Variants in SEMA3E observed in about 807,000 individuals in gnomAD.
SEMA3E encodes semaphorin-3E.
SEMA3E carries 49 observed loss-of-function variants against 93.6 expected under a neutral mutation model. The observed-to-expected ratio is 0.52, with a 90% confidence interval of 0.42 to 0.66. SEMA3E has a LOEUF of 0.66. Among genes scored for constraint, SEMA3E ranks in the 30% least tolerant of loss-of-function variants. SEMA3E has a pLI of 0.00. For synonymous variants in SEMA3E, 363 were observed against 330.7 expected (o/e 1.10, Z -1.06); for missense variants, 906 against 964.8 (o/e 0.94, Z 0.81).
chr7:83,473,630 T>A (rs1187949279), intron 2 of SEMA3E, among the ~76,000 whole-genome samples: 1 of 152,236 alleles, frequency 6.6e-6, no homozygotes, highest in Admixed American at 6.5e-5. Context: ...CCTAAAAATA[T>A]GATGAAATGC....
chr7:83,526,066 T>G (rs1254067928), intron 1 of SEMA3E, among the ~76,000 whole-genome samples: 1 of 152,056 alleles, frequency 6.6e-6, no homozygotes, highest in African/African-American at 2.4e-5. Flanking sequence ...TTCTGAAGCC[T>G]TAGGAAAAGA....
chr7:83,462,312 A>G (rs1440964615), intron 4 of SEMA3E, among the ~76,000 whole-genome samples: 2 of 152,190 alleles, frequency 1.3e-5, no homozygotes, highest in African/African-American at 4.8e-5. Context: ...GTGGGTATTG[A>G]CAGCTAGGCT....
chr7:83,558,870 C>T (rs1236104616), intron 1 of SEMA3E, among the ~76,000 whole-genome samples: 1 of 151,910 alleles, frequency 6.6e-6, no homozygotes, highest in African/African-American at 2.4e-5. Flanking sequence ...CAATATAAAT[C>T]AAATATAAGA....
Position 83,648,471 on chromosome 7 carries a change from A to G in SEMA3E, c.72T>C (p.His24=), listed in dbSNP as rs1359888236. Residue 24 remains histidine (H), a synonymous_variant, in exon 1 of 17, where the codon CAT becomes CAC. Coordinates refer to ENST00000643230, the MANE Select transcript of SEMA3E (RefSeq NM_012431.3). Reference sequence around the variant, plus strand: ...ACCGGGGGTGGGTAGTATCAGCTGTATGACCTCCTGTCCAAAGCTCCAGTA... The same window carrying G: ...ACCGGGGGTGGGTAGTATCAGCTGTGTGACCTCCTGTCCAAAGCTCCAGTA... ...GYLLELWTGG[H]TADTTHPRLR... 6.8e-6 allele frequency: 11 copies of G among 1,609,598 alleles called. No homozygotes were observed. Among genetic ancestry groups the G allele is most frequent in the Admixed American group, 6.7e-5 (4 of 59,340 alleles).
At chr7:83,529,883 A>G (rs758314363) in intron 1 of SEMA3E, among the ~76,000 whole-genome samples, 3 of 152,134 alleles carry the variant, frequency 2.0e-5, no homozygotes, top group Non-Finnish European at 2.9e-5. Context: ...CCAAATCTTT[A>G]TATCGGATTA....
intron 1 of SEMA3E, among the ~76,000 whole-genome samples, chr7:83,635,902 T>C (rs1793873888): frequency 6.6e-6 from 1 of 151,598 alleles, no homozygotes; most frequent in Non-Finnish European, 1.5e-5. Context: ...AAAATCTTGC[T>C]TTGGTCAATT....
intron 16 of SEMA3E, among the ~76,000 whole-genome samples, chr7:83,375,952 T>C (rs1794816819): frequency 6.6e-6 from 1 of 151,996 alleles, no homozygotes; most frequent in African/African-American, 2.4e-5. Flanking sequence ...CTAATTATTG[T>C]GCAACTAAAA....
At position 83,409,652 on chromosome 7, in the gene SEMA3E, A is replaced by G. The variant is rs571429861; in HGVS notation, c.551-1165T>C. Among the ~76,000 whole-genome samples the G allele has an allele frequency of 1.2e-4, 19 of 152,190 alleles. 1 individual carries two copies. In the South Asian group the frequency reaches 3.7e-3, roughly 30 times the overall value. ...ATTAATTGTATTTCCAACTTAATAT[A>G]TCTAATTATGTAATTAATTTTATAA... On this transcript the variant is annotated intron_variant, in intron 5 of 16. Coordinates refer to ENST00000643230, the MANE Select transcript of SEMA3E (RefSeq NM_012431.3).
chr7:83,437,875 T>C (rs1039802171), intron 4 of SEMA3E, among the ~76,000 whole-genome samples: 1 of 152,148 alleles, frequency 6.6e-6, no homozygotes, highest in African/African-American at 2.4e-5. Flanking sequence ...CGATATCAAC[T>C]TGAAGAGATA....
At chr7:83,442,726 T>C (rs1436920167) in intron 4 of SEMA3E, among the ~76,000 whole-genome samples, 2 of 152,142 alleles carry the variant, frequency 1.3e-5, no homozygotes, top group East Asian at 1.9e-4. Context: ...CTCTACATCA[T>C]GTAGAGTTAC....
chr7:83,489,401 A>T (rs1160260705), intron 2 of SEMA3E, among the ~76,000 whole-genome samples: 6 of 85,600 alleles, frequency 7.0e-5, no homozygotes, highest in Non-Finnish European at 1.1e-4. Context: ...TGTCATAATT[A>T]AAAAAAAAAT....
At chr7:83,585,771 C>A (rs1442974730) in intron 1 of SEMA3E, among the ~76,000 whole-genome samples, 1 of 152,166 alleles carries the variant, frequency 6.6e-6, no homozygotes, top group African/African-American at 2.4e-5. Context: ...ACAAATTGAG[C>A]TTTTCCTATT....
At chr7:83,525,784 GTT>G (rs35792837) in intron 1 of SEMA3E, among the ~76,000 whole-genome samples, 25,915 of 128,322 alleles carry the variant, frequency 0.2, 3,757 homozygotes, top group African/African-American at 0.43. Context: ...GTTTGTTTGG[GTT>G]TTTTTTTTTT....
At chr7:83,490,010 C>G (rs752590859) in intron 2 of SEMA3E, 104 bp downstream of exon 2, 11 of 1,061,034 alleles carry the variant, frequency 1.0e-5, no homozygotes, top group Non-Finnish European at 1.5e-5. Context: ...AGTAATCACT[C>G]AAAATTTTAA....
At chr7:83,453,088 C>T (rs1008170768) in intron 4 of SEMA3E, among the ~76,000 whole-genome samples, 4 of 152,030 alleles carry the variant, frequency 2.6e-5, no homozygotes, top group South Asian at 4.2e-4. Context: ...AATGCAGTGG[C>T]GCAATCTCGG....
rs1483547872 is a variant in SEMA3E at position 83,363,380 on chromosome 7, A to G, written c.*4206T>C. ...TTAATGGTCCCTGCAGCTTGCCACC[A>G]GATGCTAATAAGTCTCATGGCTTAG... On this transcript the variant is annotated 3_prime_UTR_variant, in exon 17 of 17. Transcript: ENST00000643230. The G allele has an allele frequency of 6.6e-5, 10 of 152,218 alleles. No individual in the cohort carries two copies. The highest frequency in any genetic ancestry group is 6.5e-4 in the Admixed American group (10 of 15,268). 9.4% of individuals were successfully genotyped at this position (152,218 alleles called of 1,614,324 possible).
chr7:83,554,772 G>C (rs544635108), intron 1 of SEMA3E, among the ~76,000 whole-genome samples: 1 of 151,922 alleles, frequency 6.6e-6, no homozygotes, highest in Non-Finnish European at 1.5e-5. Context: ...GTCAGGAGAT[G>C]GAGACCATCT....
chr7:83,566,248 T>C (rs1047692875), intron 1 of SEMA3E, among the ~76,000 whole-genome samples: 3 of 151,744 alleles, frequency 2.0e-5, no homozygotes, highest in African/African-American at 4.8e-5. Context: ...CCTTGTGATC[T>C]GCCTGCTTCG....
intron 1 of SEMA3E, among the ~76,000 whole-genome samples, chr7:83,506,095 G>A (rs1335334334): frequency 6.8e-6 from 1 of 146,674 alleles, no homozygotes; most frequent in East Asian, 2.0e-4. Context: ...AAAGTATATT[G>A]CCTTGGGTAC....
Sources: gnomAD v4.1 joint callset for allele counts (sites outside exome capture counted in the v4.1 genomes callset) on GRCh38, gnomAD v4.1.1 for gene constraint, MANE v1.5 for transcripts, NCBI Gene and HGNC (gene_info 2026-07-23, HGNC 2026-07-21) for gene names.